ZNF608: variants seen among roughly 807,000 people sequenced by gnomAD.
The protein encoded by ZNF608 is renal carcinoma antigen NY-REN-36.
ZNF608 carries 12 observed loss-of-function variants against 109.0 expected under a neutral mutation model. The ratio of observed to expected loss-of-function variants is 0.11; its 90% confidence interval spans 0.07 to 0.18. ZNF608 has a LOEUF of 0.18. ZNF608 is among the 10% of genes least tolerant of loss of function. The pLI is 1.00. For synonymous variants in ZNF608, 732 were observed against 717.4 expected, an observed-to-expected ratio of 1.02 and a Z score of -0.33; for missense variants, 1,707 against 1,879.3, an observed-to-expected ratio of 0.91 and a Z score of 1.70.
At chr5:124,652,155 T>C (rs910705478) in intron 3 of ZNF608, among the ~76,000 whole-genome samples, 20 of 152,204 alleles carry the variant, frequency 1.3e-4, no homozygotes, top group Non-Finnish European at 1.5e-5. Context: ...GTTGAAGCTG[T>C]CACAAAGGCT....
chr5:124,748,485 A>T (rs1362219552), upstream of ZNF608: 5 of 960,426 alleles, frequency 5.2e-6, no homozygotes, highest in Non-Finnish European at 5.0e-6. Context: ...CCCTGCATGA[A>T]GTCCCCGCTA....
At chr5:124,657,731 A>G (rs970038269) in intron 3 of ZNF608, among the ~76,000 whole-genome samples, 2 of 152,168 alleles carry the variant, frequency 1.3e-5, no homozygotes, top group Non-Finnish European at 2.9e-5. Flanking sequence ...ATTAATGTTT[A>G]CTGTGGAAAG....
At chr5:124,738,134 A>G (rs62370813) in intron 2 of ZNF608, among the ~76,000 whole-genome samples, 6,956 of 152,306 alleles carry the variant, frequency 0.046, 176 homozygotes, top group African/African-American at 0.079. Flanking sequence ...CAGGGCACCA[A>G]TATCATACAC....
intron 3 of ZNF608, among the ~76,000 whole-genome samples, chr5:124,694,466 C>T (rs1160689611): frequency 2.0e-5 from 3 of 151,962 alleles, no homozygotes; most frequent in South Asian, 2.1e-4. Flanking sequence ...ATTTGGGTTG[C>T]CTTTTCCATG....
At chr5:124,662,292 T>C (rs1751295824) in intron 3 of ZNF608, among the ~76,000 whole-genome samples, 1 of 152,258 alleles carries the variant, frequency 6.6e-6, no homozygotes. Flanking sequence ...CAAAACCTGC[T>C]TTCCTTGCGA....
At chr5:124,638,239 C>A (rs1042417977) in intron 9 of ZNF608, among the ~76,000 whole-genome samples, 1 of 147,008 alleles carries the variant, frequency 6.8e-6, no homozygotes, top group Admixed American at 7.1e-5. Flanking sequence ...CATAAGCCAC[C>A]ACACCCGGCC....
intron 3 of ZNF608, among the ~76,000 whole-genome samples, chr5:124,652,216 C>A (rs1172152633): frequency 6.6e-6 from 1 of 152,254 alleles, no homozygotes; most frequent in Non-Finnish European, 1.5e-5. Flanking sequence ...TCTCCTGCTG[C>A]TCTTTCTGGA....
intron 2 of ZNF608, among the ~76,000 whole-genome samples, chr5:124,728,327 G>C (rs1417890457): frequency 6.6e-6 from 1 of 152,160 alleles, no homozygotes; most frequent in Non-Finnish European, 1.5e-5. Flanking sequence ...GCTTTAGGTG[G>C]ATAGGAACAT....
intron 2 of ZNF608, chr5:124,710,546 T>G (rs1257851021): frequency 4.1e-6 from 1 of 243,928 alleles, no homozygotes; most frequent in African/African-American, 2.2e-5. Flanking sequence ...GAAGACAATT[T>G]TGACTCCCTG....
chr5:124,644,526 C>A lies in ZNF608; in HGVS notation c.3841G>T (p.Val1281Leu), dbSNP rs1476950797. 6.2e-7 allele frequency: 1 copy of A among 1,614,138 alleles called. No individual in the cohort carries two copies. Among genetic ancestry groups the A allele is most frequent in the East Asian group, 2.2e-5 (1 of 44,880 alleles). ...GTTAACGATACAGGAAGGCTGGGCACACCACTCTCTTTATTAGGAGTTTTC... is the reference window on the plus strand; with the variant it reads ...GTTAACGATACAGGAAGGCTGGGCAAACCACTCTCTTTATTAGGAGTTTTC... ...PRKTPNKESG[V>L]PSLPVSLTSI... is the part of the protein sequence containing the mutation. Residue 1281 changes from valine (V) to leucine (L), a missense_variant, in exon 6 of 10, where the codon GTG becomes TTG. Coordinates refer to ENST00000513986, the MANE Select transcript of ZNF608 (RefSeq NM_020747.3).
intron 2 of ZNF608, among the ~76,000 whole-genome samples, chr5:124,730,895 T>C (rs1561589421): frequency 1.3e-5 from 2 of 152,242 alleles, no homozygotes; most frequent in Non-Finnish European, 2.9e-5. Flanking sequence ...TTTTAAATCC[T>C]CAGAAGCATT....
intron 3 of ZNF608, among the ~76,000 whole-genome samples, chr5:124,689,064 G>A (rs1752507376): frequency 6.6e-6 from 1 of 152,136 alleles, no homozygotes; most frequent in South Asian, 2.1e-4. Flanking sequence ...GAAATACTTA[G>A]GTAGTATAAA....
At chr5:124,706,917 G>T (rs1225510001) in intron 2 of ZNF608, among the ~76,000 whole-genome samples, 1 of 150,964 alleles carries the variant, frequency 6.6e-6, no homozygotes, top group African/African-American at 2.5e-5. Flanking sequence ...GAGCATGGGA[G>T]GGGGAGCAGG....
chr5:124,745,132 T>A lies in ZNF608; in HGVS notation c.-143A>T. On this transcript the variant is annotated 5_prime_UTR_variant, in exon 2 of 10. Transcript: ENST00000513986. ...TCTTCTTTTTCCTGCCCCACGAATG[T>A]GTCCAGGGATTTTACACCCTCAGTC... 6.9e-7 allele frequency: 1 copy of A among 1,439,404 alleles called. No individual in the cohort carries two copies. Among genetic ancestry groups the A allele is most frequent in the South Asian group, 1.5e-5 (1 of 65,076 alleles). 89.2% of individuals were successfully genotyped at this position (1,439,404 alleles called of 1,614,324 possible). A position where few individuals can be genotyped will look rare whatever the true frequency, so the allele number is the denominator to read the frequency against.
chr5:124,683,554 T>C (rs1368856626), intron 3 of ZNF608, among the ~76,000 whole-genome samples: 3 of 152,076 alleles, frequency 2.0e-5, no homozygotes, highest in Non-Finnish European at 4.4e-5. Context: ...TTTCAAAATA[T>C]AGAGGAAAAT....
chr5:124,638,963 G>T, intron 9 of ZNF608, 170 bp downstream of exon 9: 1 of 816,460 alleles, frequency 1.2e-6, no homozygotes, highest in Non-Finnish European at 1.9e-6. Flanking sequence ...TGAGGTTCAT[G>T]GAATTTAAGT....
chr5:124,746,181 C>G lies in ZNF608; in HGVS notation c.-184+14G>C. ...ACATACACACACACATACACACACA[C>G]AGACATTGCTTACCTTTTAATCCTT... On this transcript the variant is annotated intron_variant, in intron 1 of 9. Transcript: ENST00000513986. 2 of 985,402 alleles carry G rather than the reference C, an allele frequency of 2.0e-6. No homozygotes were observed. Among genetic ancestry groups the G allele is most frequent in the African/African-American group, 1.7e-5 (1 of 57,348 alleles). The allele number at this position is 985,402 out of a possible 1,614,324, so 61.0% of individuals were successfully genotyped here. A position where few individuals can be genotyped will look rare whatever the true frequency, so the allele number is the denominator to read the frequency against.
intron 3 of ZNF608, among the ~76,000 whole-genome samples, chr5:124,675,468 C>T (rs1344226329): frequency 1.3e-5 from 2 of 152,216 alleles, no homozygotes. Context: ...AACATTTAGG[C>T]TAGTATGGCC....
intron 3 of ZNF608, among the ~76,000 whole-genome samples, chr5:124,683,086 C>A (rs1365158870): frequency 6.6e-6 from 1 of 152,170 alleles, no homozygotes; most frequent in African/African-American, 2.4e-5. Context: ...ATGTTGTGAG[C>A]AGTCCTATGG....
Sources: gnomAD v4.1 joint callset for allele counts (sites outside exome capture counted in the v4.1 genomes callset) on GRCh38, gnomAD v4.1.1 for gene constraint, MANE v1.5 for transcripts, NCBI Gene and HGNC (gene_info 2026-07-23, HGNC 2026-07-21) for gene names.